CUX1: variants seen among roughly 807,000 people sequenced by gnomAD.
CUX1 encodes cut like homeobox 1.
Under a neutral mutation model 158.8 loss-of-function variants are expected in CUX1, and 31 were observed. The observed-to-expected ratio is 0.20, with a 90% CI of 0.15 to 0.26. The LOEUF (loss-of-function observed/expected upper bound fraction) is 0.26, where lower values mean the gene tolerates loss of function less well. CUX1 is among the 10% of genes least tolerant of loss of function. The pLI, the probability that CUX1 is intolerant of heterozygous loss-of-function variation, is 1.00. For synonymous variants in CUX1, 879 were observed against 862.1 expected, an observed-to-expected ratio of 1.02 and a Z score of -0.34; for missense variants, 1,589 against 2,014.6, an observed-to-expected ratio of 0.79 and a Z score of 4.04.
At chr7:101,825,792 TGTGTGTGCGCGCGC>T (rs1184382548) in intron 1 of CUX1, among the ~76,000 whole-genome samples, 6 of 110,550 alleles carry the variant, frequency 5.4e-5, no homozygotes, top group African/African-American at 2.7e-4. Context: ...TGTGTGTGTG[TGTGTGTGCGCGCGC>T]GCGCGCAGTT....
chr7:101,838,098 A>G (rs1199040093), intron 1 of CUX1, among the ~76,000 whole-genome samples: 1 of 150,690 alleles, frequency 6.6e-6, no homozygotes, highest in Admixed American at 6.6e-5. Flanking sequence ...TGTGCCCTAA[A>G]TCTTTTTCTC....
chr7:101,859,581 G>A (rs112127625), intron 1 of CUX1, among the ~76,000 whole-genome samples: 5 of 152,114 alleles, frequency 3.3e-5, no homozygotes, highest in Admixed American at 2.0e-4. Flanking sequence ...GGTATTGGCG[G>A]GTTTGATCCA....
intron 2 of CUX1, among the ~76,000 whole-genome samples, chr7:101,992,395 ACT>A (rs1471202309): frequency 6.6e-6 from 1 of 152,088 alleles, no homozygotes; most frequent in East Asian, 1.9e-4. Flanking sequence ...CTTAAACTCC[ACT>A]CTGTTTCTTT....
chr7:102,026,777 GC>G (rs1219913398), intron 2 of CUX1, among the ~76,000 whole-genome samples: 1 of 134,258 alleles, frequency 7.4e-6, no homozygotes, highest in African/African-American at 2.9e-5. Flanking sequence ...CCGAGATCTC[GC>G]CACTGCACTC....
At chr7:102,027,922 G>T (rs558736610) in intron 2 of CUX1, among the ~76,000 whole-genome samples, 176 bp from the exon 3 acceptor site, 2 of 152,334 alleles carry the variant, frequency 1.3e-5, no homozygotes, top group African/African-American at 2.4e-5. Flanking sequence ...AAATCCTGAA[G>T]CGCCAGTTGG....
At position 102,254,525 on chromosome 7, in the gene CUX1, GGGC is replaced by G; in HGVS notation, c.*5484_*5486del. The G allele has an allele frequency of 1.0e-6, 1 of 985,510 alleles. No homozygotes were observed. The highest frequency in any genetic ancestry group is 1.2e-6 in the Non-Finnish European group (1 of 830,000). 61.0% of individuals were successfully genotyped at this position (985,510 alleles called of 1,614,324 possible). A position where few individuals can be genotyped will look rare whatever the true frequency, so the allele number is the denominator to read the frequency against. Reference sequence around the variant, plus strand: ...CAGCACCGAAGAAAATCAGCTCCTGGGGCTGGTGGTTGGAGGTGGGTCTGTCCA... The same window carrying G: ...CAGCACCGAAGAAAATCAGCTCCTGGTGGTGGTTGGAGGTGGGTCTGTCCA... On this transcript the variant is annotated 3_prime_UTR_variant, in exon 24 of 24. Transcript: ENST00000292535.
chr7:102,063,151 G>T (rs755357118), intron 3 of CUX1, among the ~76,000 whole-genome samples: 23 of 150,626 alleles, frequency 1.5e-4, no homozygotes, highest in Non-Finnish European at 3.1e-4. Flanking sequence ...AAAAAACTCA[G>T]CCTTATGAAA....
intron 23 of CUX1, among the ~76,000 whole-genome samples, chr7:102,243,739 C>G (rs1554535844): frequency 6.6e-6 from 1 of 150,986 alleles, no homozygotes; most frequent in Non-Finnish European, 1.5e-5. Context: ...CTAAGATCAC[C>G]CAGCAGGGGC....
intron 8 of CUX1, among the ~76,000 whole-genome samples, chr7:102,149,365 C>T (rs921973300): frequency 2.6e-5 from 4 of 152,154 alleles, no homozygotes; most frequent in East Asian, 1.9e-4. Context: ...CATTTCCTTC[C>T]GCCTCCCACT....
intron 1 of CUX1, among the ~76,000 whole-genome samples, chr7:101,891,864 C>T (rs1800907206): frequency 6.6e-6 from 1 of 152,176 alleles, no homozygotes; most frequent in African/African-American, 2.4e-5. Context: ...TATTGAATTT[C>T]TGTGTGGAGA....
chr7:101,843,348 T>C (rs1330503878), intron 1 of CUX1, among the ~76,000 whole-genome samples: 1 of 152,216 alleles, frequency 6.6e-6, no homozygotes, highest in African/African-American at 2.4e-5. Flanking sequence ...TGAGACACAT[T>C]TCTGGTAGTT....
chr7:102,124,504 C>T (rs1306643734), intron 8 of CUX1, among the ~76,000 whole-genome samples: 10 of 136,410 alleles, frequency 7.3e-5, no homozygotes, highest in African/African-American at 2.7e-4. Flanking sequence ...TGGAGCCTTA[C>T]AAAAGGAAAT....
rs1801262829 is a variant in CUX1 at position 102,249,585 on chromosome 7, C to G, written c.*543C>G. 1 of 985,300 alleles carries G rather than the reference C, an allele frequency of 1.0e-6. No homozygotes were observed. Among genetic ancestry groups the G allele is most frequent in the South Asian group, 4.7e-5 (1 of 21,242 alleles). 61.0% of individuals were successfully genotyped at this position (985,300 alleles called of 1,614,324 possible). On this transcript the variant is annotated 3_prime_UTR_variant, in exon 24 of 24. Coordinates refer to ENST00000292535, the MANE Select transcript of CUX1 (RefSeq NM_181552.4). ...GTGTGGGCTTTAAAAGAAAAAAAATCAAACCCACATATTAAAAGGGGGCTT... is the reference window on the plus strand; with the variant it reads ...GTGTGGGCTTTAAAAGAAAAAAAATGAAACCCACATATTAAAAGGGGGCTT...
At chr7:102,115,574 G>A (rs940035813) in intron 8 of CUX1, 1 of 290,820 alleles carries the variant, frequency 3.4e-6, no homozygotes, top group Non-Finnish European at 6.3e-6. Flanking sequence ...AGTTGAGTCT[G>A]GGTAAATCAC....
intron 1 of CUX1, among the ~76,000 whole-genome samples, chr7:101,849,640 T>C (rs1167685017): frequency 2.0e-5 from 3 of 152,170 alleles, no homozygotes; most frequent in Non-Finnish European, 4.4e-5. Flanking sequence ...GCAGTGAACA[T>C]ACATATGCAT....
chr7:102,192,847 T>G (rs550526735), intron 12 of CUX1, among the ~76,000 whole-genome samples: 3 of 152,324 alleles, frequency 2.0e-5, no homozygotes, highest in South Asian at 4.1e-4. Flanking sequence ...ATAGCCTCAC[T>G]TCCCCTCTTC....
intron 1 of CUX1, among the ~76,000 whole-genome samples, chr7:101,851,007 G>A (rs1796213247): frequency 6.6e-6 from 1 of 152,162 alleles, no homozygotes; most frequent in African/African-American, 2.4e-5. Context: ...TACATGGGTA[G>A]CTGGGGTGGG....
At chr7:101,842,936 G>A (rs1422644267) in intron 1 of CUX1, among the ~76,000 whole-genome samples, 2 of 145,704 alleles carry the variant, frequency 1.4e-5, no homozygotes, top group Admixed American at 1.4e-4. Context: ...GCAGTGGCGC[G>A]ATCTCGGCTC....
intron 1 of CUX1, among the ~76,000 whole-genome samples, chr7:101,867,273 A>G (rs767197167): frequency 6.6e-6 from 1 of 152,210 alleles, no homozygotes; most frequent in Non-Finnish European, 1.5e-5. Flanking sequence ...AAATCCAGAA[A>G]GATCAGAGAA....
Sources: gnomAD v4.1 joint callset for allele counts (sites outside exome capture counted in the v4.1 genomes callset) on GRCh38, gnomAD v4.1.1 for gene constraint, MANE v1.5 for transcripts, NCBI Gene and HGNC (gene_info 2026-07-23, HGNC 2026-07-21) for gene names.